Variants in ZMYM2 observed in about 807,000 individuals in gnomAD.
The protein encoded by ZMYM2 is zinc finger MYM-type containing 2, also known as zinc finger MYM-type protein 2.
In ZMYM2, 56 loss-of-function variants were observed where a neutral mutation model predicts 162.8. The ratio of observed to expected loss-of-function variants is 0.34; its 90% CI spans 0.28 to 0.43. ZMYM2 has a LOEUF of 0.43. ZMYM2 is among the 20% of genes least tolerant of loss of function. The pLI is 1.00. For synonymous variants in ZMYM2, 510 were observed against 541.6 expected, an observed-to-expected ratio of 0.94 and a Z score of 0.81; for missense variants, 1,275 against 1,621.8, an observed-to-expected ratio of 0.79 and a Z score of 3.67.
At chr13:20,019,080 C>G (rs1037463262) in intron 6 of ZMYM2, among the ~76,000 whole-genome samples, 2 of 127,330 alleles carry the variant, frequency 1.6e-5, no homozygotes, top group African/African-American at 5.9e-5. Flanking sequence ...AACTCCATCT[C>G]AAAAAAAAAA....
chr13:20,084,880 A>G (rs1327965590), intron 24 of ZMYM2, among the ~76,000 whole-genome samples: 1 of 152,192 alleles, frequency 6.6e-6, no homozygotes, highest in Non-Finnish European at 1.5e-5. Context: ...AAACAATAGT[A>G]TCATGTATAG....
At chr13:19,918,495 C>CTTTTT in the ZMYM2 span, among the ~76,000 whole-genome samples, 124 of 107,482 alleles carry the variant, frequency 1.2e-3, no homozygotes, top group Middle Eastern at 6.5e-3. Flanking sequence ...TTCTTTCTTT[C>CTTTTT]TTTTTTTTTT....
At chr13:19,891,709 T>C in the ZMYM2 span, among the ~76,000 whole-genome samples, 10 of 151,552 alleles carry the variant, frequency 6.6e-5, no homozygotes, top group African/African-American at 2.4e-4. Flanking sequence ...CCCAGGAGTT[T>C]GAGGCTGCAA....
rs1956770208 is a variant in ZMYM2 at position 19,976,194 on chromosome 13, G to GAA, written c.-11+16168_-11+16169insAA. ...AATACAAAAATTAACTGGGTGTGCT[G>GAA]GCGCGTGCCTGTAGTCCCAGCTACT... On this transcript the variant is annotated intron_variant, in intron 2 of 24. Coordinates refer to ENST00000610343, the MANE Select transcript of ZMYM2 (RefSeq NM_197968.4). 6.6e-5 allele frequency among the ~76,000 whole-genome samples: 10 copies of GAA among 152,036 alleles called. No individual in the cohort carries two copies. In the South Asian group the frequency reaches 2.1e-3, roughly 32 times the overall value.
chr13:20,078,238 T>C (rs898402847), intron 21 of ZMYM2, among the ~76,000 whole-genome samples: 1 of 152,232 alleles, frequency 6.6e-6, no homozygotes, highest in Non-Finnish European at 1.5e-5. Flanking sequence ...ATTGATAGCT[T>C]AAATTAATGG....
chr13:19,867,643 T>C, the ZMYM2 span, among the ~76,000 whole-genome samples: 51 of 152,204 alleles, frequency 3.4e-4, no homozygotes, highest in Middle Eastern at 3.4e-3. Flanking sequence ...TTTTTTTCTT[T>C]GAGATGGAGT....
Position 20,036,737 on chromosome 13 carries a change from G to T in ZMYM2, c.2120G>T (p.Gly707Val). ...AATATATAAATCTTATATTTTTCAG[G>T]CTGCAAATTATTATACAAACAGGAT... is the stretch of plus-strand genomic sequence containing the variant. ...SGVKRPFCSE[G>V]CKLLYKQDFA... Residue 707 changes from glycine (G) to valine (V), a missense_variant and splice_region_variant, in exon 12 of 25, where the codon GGC (glycine) becomes GTC (valine). This residue lies in a region of ZMYM2 where 177 missense variants were observed against 228.0 expected (regional missense o/e 0.78). Coordinates refer to ENST00000610343, the MANE Select transcript of ZMYM2 (RefSeq NM_197968.4). The T allele has an allele frequency of 6.6e-7, 1 of 1,514,350 alleles. No individual in the cohort carries two copies. Among genetic ancestry groups the T allele is most frequent in the Non-Finnish European group, 8.8e-7 (1 of 1,132,830 alleles). The allele number at this position is 1,514,350 out of a possible 1,614,324, so 93.8% of individuals were successfully genotyped here. A position where few individuals can be genotyped will look rare whatever the true frequency, so the allele number is the denominator to read the frequency against.
At position 20,014,318 on chromosome 13, in the gene ZMYM2, C is replaced by T. The variant is rs566414713; in HGVS notation, c.1513-5229C>T. 6.2e-4 allele frequency among the ~76,000 whole-genome samples: 95 copies of T among 152,270 alleles called. 1 individual carries two copies. Among genetic ancestry groups the T allele is most frequent in the Non-Finnish European group, 1.0e-3 (71 of 68,030 alleles). The stretch of plus-strand genomic sequence containing the variant: ...CGATCTCCAGACCTCATGATCCACC[C>T]GCCTCAGCCTCCCAAAATGTTGGGA... On this transcript the variant is annotated intron_variant, in intron 6 of 24. Coordinates refer to ENST00000610343, the MANE Select transcript of ZMYM2 (RefSeq NM_197968.4).
At chr13:19,907,824 G>GA in the ZMYM2 span, among the ~76,000 whole-genome samples, 1 of 136,310 alleles carries the variant, frequency 7.3e-6, no homozygotes, top group African/African-American at 2.7e-5. Context: ...AAAAGAGAAC[G>GA]AAAAAAAGGT....
intron 1 of ZMYM2, among the ~76,000 whole-genome samples, chr13:19,959,574 G>C (rs1033707388): frequency 4.6e-5 from 7 of 152,238 alleles, no homozygotes; most frequent in Admixed American, 3.3e-4. Context: ...GACGTGAGCC[G>C]CCCCTTACCT....
chr13:19,989,840 T>C (rs1162463268), intron 2 of ZMYM2, among the ~76,000 whole-genome samples: 4 of 152,236 alleles, frequency 2.6e-5, no homozygotes, highest in Non-Finnish European at 5.9e-5. Context: ...TCCATGAGTG[T>C]TCTGTAACTT....
chr13:20,045,028 C>T (rs554377963), intron 12 of ZMYM2, among the ~76,000 whole-genome samples: 4 of 121,358 alleles, frequency 3.3e-5, no homozygotes, highest in South Asian at 2.6e-4. Flanking sequence ...CCAGCCCGGG[C>T]GACAGAGCAA....
chr13:19,952,100 T>C, the ZMYM2 span, among the ~76,000 whole-genome samples: 2 of 152,022 alleles, frequency 1.3e-5, no homozygotes, highest in Non-Finnish European at 2.9e-5. Flanking sequence ...TGGATGAACC[T>C]GAAGGACATT....
chr13:19,922,281 A>G, the ZMYM2 span, among the ~76,000 whole-genome samples: 1 of 152,158 alleles, frequency 6.6e-6, no homozygotes, highest in Non-Finnish European at 1.5e-5. Context: ...CTTGTCAGGA[A>G]TTCTCATTGG....
intron 2 of ZMYM2, among the ~76,000 whole-genome samples, chr13:19,962,515 A>ATATATATATATTTT (rs1371972440): frequency 1.3e-4 from 5 of 38,928 alleles, no homozygotes; most frequent in African/African-American, 3.2e-4. Context: ...ATATATATAT[A>ATATATATATATTTT]TTTTTTTTTT....
At chr13:20,080,269 C>T (rs920994713) in intron 21 of ZMYM2, among the ~76,000 whole-genome samples, 3 of 152,100 alleles carry the variant, frequency 2.0e-5, no homozygotes, top group Non-Finnish European at 2.9e-5. Flanking sequence ...AGTTTTTGTT[C>T]TACTATTTTA....
chr13:20,003,638 CTT>C (rs1281809459), intron 4 of ZMYM2, among the ~76,000 whole-genome samples: 9 of 141,798 alleles, frequency 6.3e-5, no homozygotes, highest in Non-Finnish European at 4.7e-5. Context: ...TTTTTCTTTT[CTT>C]TTTTTTTTTT....
At chr13:19,977,800 A>C (rs1370635681) in intron 2 of ZMYM2, among the ~76,000 whole-genome samples, 1 of 144,604 alleles carries the variant, frequency 6.9e-6, no homozygotes, top group African/African-American at 2.6e-5. Flanking sequence ...AACCCTTTCC[A>C]TTTCTTCTAT....
the ZMYM2 span, among the ~76,000 whole-genome samples, chr13:19,919,539 A>G: frequency 6.6e-6 from 1 of 152,030 alleles, no homozygotes. Context: ...TAGTGGTTCT[A>G]ATGCATGTGT....
Sources: gnomAD v4.1 joint callset for allele counts (sites outside exome capture counted in the v4.1 genomes callset) on GRCh38, gnomAD v4.1.1 for gene constraint, gnomAD v4.1.1 regional missense constraint, MANE v1.5 for transcripts, NCBI Gene and HGNC (gene_info 2026-07-23, HGNC 2026-07-21) for gene names.